ARSB: variants seen among roughly 807,000 people sequenced by gnomAD.
The protein encoded by ARSB is arylsulfatase B.
ARSB carries 41 observed loss-of-function variants against 50.9 expected under a neutral mutation model. The ratio of observed to expected loss-of-function variants is 0.81; its 90% CI spans 0.63 to 1.04. The LOEUF (loss-of-function observed/expected upper bound fraction) is 1.04, where lower values mean the gene tolerates loss of function less well. ARSB is among the 50% of genes least tolerant of loss of function. ARSB has a pLI of 0.00. For missense variants in ARSB, 672 were observed against 693.3 expected, an observed-to-expected ratio of 0.97 and a Z score of 0.35; for synonymous variants, 269 against 284.8, an observed-to-expected ratio of 0.94 and a Z score of 0.56.
At chr5:78,837,929 C>T (rs576929365) in intron 6 of ARSB, among the ~76,000 whole-genome samples, 4 of 152,178 alleles carry the variant, frequency 2.6e-5, no homozygotes, top group African/African-American at 9.7e-5. Flanking sequence ...AATTTCTCCA[C>T]GATGTAGCCA....
At chr5:78,863,224 A>T (rs1746535909) in intron 5 of ARSB, among the ~76,000 whole-genome samples, 1 of 152,234 alleles carries the variant, frequency 6.6e-6, no homozygotes, top group Non-Finnish European at 1.5e-5. Flanking sequence ...CTAGAACTAG[A>T]AAAATCGTTT....
rs893800723 is a variant in ARSB, at chr5:78,887,418, T to C, written c.899-1591A>G. On this transcript the variant is annotated intron_variant, in intron 4 of 7. Transcript: ENST00000264914. ...TCTATTCATGAGGAACCCGCCCCCA[T>C]GACCCAAACACTTCCTACTGGGCCC... Among the ~76,000 whole-genome samples, 38 of 152,276 alleles carry C rather than the reference T, an allele frequency of 2.5e-4. 1 individual carries two copies. The highest frequency in any genetic ancestry group is 2.4e-3 in the Admixed American group (37 of 15,288).
chr5:78,894,698 A>G (rs1424951174), intron 4 of ARSB, among the ~76,000 whole-genome samples: 1 of 152,250 alleles, frequency 6.6e-6, no homozygotes, highest in Non-Finnish European at 1.5e-5. Context: ...TGTTTAAAGC[A>G]TTTCAAATAT....
rs377314849 is a variant in ARSB, at chr5:78,821,672, T to C, written c.1213+17684A>G. Among the ~76,000 whole-genome samples the C allele has an allele frequency of 1.7e-4, 26 of 152,350 alleles. No homozygotes were observed. In the East Asian group the frequency reaches 3.3e-3, roughly 19 times the overall value. On this transcript the variant is annotated intron_variant, in intron 6 of 7. Coordinates refer to ENST00000264914, the MANE Select transcript of ARSB (RefSeq NM_000046.5). The stretch of plus-strand genomic sequence containing the variant: ...AGTTACAATTTTGTATAAAGCACTA[T>C]GAGGAGGCGGTGCATATCTTCTAGA...
At chr5:78,936,127 C>T (rs1234954924) in intron 4 of ARSB, among the ~76,000 whole-genome samples, 14 of 86,192 alleles carry the variant, frequency 1.6e-4, no homozygotes, top group African/African-American at 6.5e-4. Context: ...CTCTCTCTCT[C>T]TCTTTTTTTT....
intron 6 of ARSB, among the ~76,000 whole-genome samples, chr5:78,790,578 T>C (rs1449462651): frequency 6.6e-6 from 1 of 152,150 alleles, no homozygotes; most frequent in Non-Finnish European, 1.5e-5. Context: ...GATAATAATA[T>C]CTAATACTTA....
chr5:78,981,541 T>C (rs1752903575), intron 1 of ARSB, among the ~76,000 whole-genome samples: 2 of 152,238 alleles, frequency 1.3e-5, no homozygotes, highest in Admixed American at 6.5e-5. Flanking sequence ...TATGATAATG[T>C]GCATTTGCCA....
chr5:78,951,342 T>A (rs1392789851), intron 4 of ARSB, among the ~76,000 whole-genome samples: 1 of 152,030 alleles, frequency 6.6e-6, no homozygotes, highest in Non-Finnish European at 1.5e-5. Flanking sequence ...TATACTATAC[T>A]AACAAGCTTG....
At chr5:78,940,374 G>A (rs1404342775) in intron 4 of ARSB, among the ~76,000 whole-genome samples, 1 of 152,110 alleles carries the variant, frequency 6.6e-6, no homozygotes, top group African/African-American at 2.4e-5. Context: ...TGTCCTGAAT[G>A]GTATTGCCTA....
chr5:78,934,458 G>A (rs982688639), intron 4 of ARSB, among the ~76,000 whole-genome samples: 1 of 152,012 alleles, frequency 6.6e-6, no homozygotes, highest in Non-Finnish European at 1.5e-5. Flanking sequence ...TATGATTGCT[G>A]ATATTATAAT....
intron 5 of ARSB, among the ~76,000 whole-genome samples, chr5:78,875,674 A>T (rs10044323): frequency 0.062 from 9,271 of 149,316 alleles, 393 homozygotes; most frequent in African/African-American, 0.11. Context: ...TATTATTATT[A>T]TTTTTTTTTT....
At chr5:78,800,555 G>T (rs1743348917) in intron 6 of ARSB, among the ~76,000 whole-genome samples, 1 of 152,094 alleles carries the variant, frequency 6.6e-6, no homozygotes, top group Admixed American at 6.6e-5. Flanking sequence ...TTGAGCATCT[G>T]CCATGTTTAA....
chr5:78,824,428 A>G (rs1235749817), intron 6 of ARSB, among the ~76,000 whole-genome samples: 1 of 152,222 alleles, frequency 6.6e-6, no homozygotes, highest in African/African-American at 2.4e-5. Flanking sequence ...TCAATATTCA[A>G]ATTGTAGTCA....
At chr5:78,960,404 TTTTC>T (rs769745879) in intron 3 of ARSB, among the ~76,000 whole-genome samples, 1 of 152,208 alleles carries the variant, frequency 6.6e-6, no homozygotes, top group Non-Finnish European at 1.5e-5. Flanking sequence ...TTGAAATTGT[TTTTC>T]TTTGACTTCT....
chr5:78,977,576 T>C (rs1383458811), intron 1 of ARSB, among the ~76,000 whole-genome samples: 8 of 152,308 alleles, frequency 5.3e-5, no homozygotes, highest in East Asian at 1.9e-4. Context: ...TAAACATTTG[T>C]TGAATGAAAG....
At chr5:78,843,073 C>T (rs1324540326) in intron 5 of ARSB, among the ~76,000 whole-genome samples, 1 of 152,162 alleles carries the variant, frequency 6.6e-6, no homozygotes, top group Non-Finnish European at 1.5e-5. Flanking sequence ...GCGGTGGAAC[C>T]CAAGCATTGG....
chr5:78,808,785 C>A (rs917145588), intron 6 of ARSB, among the ~76,000 whole-genome samples: 1 of 152,234 alleles, frequency 6.6e-6, no homozygotes, highest in African/African-American at 2.4e-5. Context: ...TCCACTGGTG[C>A]CCCCACCCTG....
At chr5:78,933,894 A>G (rs1424080369) in intron 4 of ARSB, among the ~76,000 whole-genome samples, 1 of 152,190 alleles carries the variant, frequency 6.6e-6, no homozygotes, top group Non-Finnish European at 1.5e-5. Flanking sequence ...AAAGTTAAAG[A>G]AGGAAGAATA....
chr5:78,812,794 A>G (rs1326568805), intron 6 of ARSB, among the ~76,000 whole-genome samples: 1 of 152,020 alleles, frequency 6.6e-6, no homozygotes, highest in African/African-American at 2.4e-5. Flanking sequence ...GGAGTTCAAG[A>G]CCAGCCTGGG....
Sources: allele counts gnomAD v4.1 joint callset (sites outside exome capture counted in the v4.1 genomes callset), GRCh38; gene constraint gnomAD v4.1.1; transcripts MANE v1.5; gene names NCBI Gene and HGNC (gene_info 2026-07-23, HGNC 2026-07-21).